Variants in RBFOX1 observed in about 807,000 individuals in gnomAD.
RBFOX1 encodes RNA binding fox-1 homolog 1, also known as RNA binding protein fox-1 homolog 1.
In RBFOX1, 8 loss-of-function variants were observed where a neutral mutation model predicts 57.7. That is an observed-to-expected ratio of 0.14 (90% CI 0.08 to 0.25). RBFOX1 has a LOEUF of 0.25. RBFOX1 is among the 10% of genes least tolerant of loss of function. RBFOX1 has a pLI of 1.00. For synonymous variants in RBFOX1, 326 were observed against 222.4 expected, an observed-to-expected ratio of 1.47 and a Z score of -4.15; for missense variants, 611 against 548.5, an observed-to-expected ratio of 1.11 and a Z score of -1.14.
At chr16:7,430,992 A>G (rs1045686494) in intron 4 of RBFOX1, among the ~76,000 whole-genome samples, 2 of 152,158 alleles carry the variant, frequency 1.3e-5, no homozygotes, top group South Asian at 2.1e-4. Context: ...TCTATGTTGT[A>G]TGGTAGTTTT....
intron 3 of RBFOX1, among the ~76,000 whole-genome samples, chr16:5,837,188 TCTC>T (rs1034442712): frequency 6.6e-5 from 10 of 150,646 alleles, no homozygotes; most frequent in African/African-American, 2.4e-4. Flanking sequence ...TCCCACCTCC[TCTC>T]CTCCTCCCAC....
At chr16:6,694,714 C>A (rs1396556355) in intron 3 of RBFOX1, among the ~76,000 whole-genome samples, 1 of 152,128 alleles carries the variant, frequency 6.6e-6, no homozygotes, top group Non-Finnish European at 1.5e-5. Flanking sequence ...TCATATCCTC[C>A]CAGCAACTCC....
chr16:5,294,250 C>T (rs2063607273), intron 1 of RBFOX1, among the ~76,000 whole-genome samples: 1 of 152,042 alleles, frequency 6.6e-6, no homozygotes, highest in South Asian at 2.1e-4. Context: ...ACAAGAAACA[C>T]ACACACAAAG....
At chr16:6,682,079 G>C (rs1053796938) in intron 3 of RBFOX1, among the ~76,000 whole-genome samples, 1 of 152,150 alleles carries the variant, frequency 6.6e-6, no homozygotes, top group Non-Finnish European at 1.5e-5. Context: ...TTGCCCAATA[G>C]AACAAAATGT....
Position 5,506,367 on chromosome 16 carries a change from T to C in RBFOX1, c.258+39113T>C, listed in dbSNP as rs560933582. ...TCGTCCTCTGTCCTTTCTCTCCCTCTCTGTCCTTCTCTGACTCCGTGGACT... is the reference window on the plus strand; with the variant it reads ...TCGTCCTCTGTCCTTTCTCTCCCTCCCTGTCCTTCTCTGACTCCGTGGACT... On this transcript the variant is annotated intron_variant, in intron 2 of 2. Coordinates refer to the RBFOX1 transcript ENST00000585867. 2.0e-5 allele frequency among the ~76,000 whole-genome samples: 3 copies of C among 152,310 alleles called. No individual in the cohort carries two copies. The South Asian group carries it at 6.2e-4, about 32-fold the overall frequency.
chr16:6,407,569 C>CAGAGAGAGAGAGAG (rs71145224), intron 2 of RBFOX1, among the ~76,000 whole-genome samples: 2 of 25,914 alleles, frequency 7.7e-5, no homozygotes, highest in South Asian at 1.1e-3. Flanking sequence ...GTGTGTGTGA[C>CAGAGAGAGAGAGAG]AGAGAGAGAG....
intron 4 of RBFOX1, among the ~76,000 whole-genome samples, chr16:5,982,117 CCTGTCAGCTT>C (rs771968464): frequency 2.0e-5 from 3 of 152,144 alleles, no homozygotes; most frequent in Non-Finnish European, 4.4e-5. Flanking sequence ...CTTATAATGG[CCTGTCAGCTT>C]CTGTGGCATG....
At position 6,551,071 on chromosome 16, in the gene RBFOX1, C is replaced by A. The variant is rs571171208; in HGVS notation, c.-63-103532C>A. On this transcript the variant is annotated intron_variant, in intron 2 of 15. Coordinates refer to ENST00000550418, the MANE Select transcript of RBFOX1 (RefSeq NM_018723.4). Reference sequence around the variant, plus strand: ...TTGGGGGCCCCAGGAATTTTGCCTCCTGGACCCATTTTATGTGATAATGGC... The same window carrying A: ...TTGGGGGCCCCAGGAATTTTGCCTCATGGACCCATTTTATGTGATAATGGC... Among the ~76,000 whole-genome samples, 6 of 152,280 alleles carry A rather than the reference C, an allele frequency of 3.9e-5. No homozygotes were observed. In the South Asian group the frequency reaches 1.0e-3, roughly 26 times the overall value.
chr16:7,044,483 C>A lies in RBFOX1; in HGVS notation c.-15-7574C>A, dbSNP rs80240336. 2.2e-3 allele frequency among the ~76,000 whole-genome samples: 339 copies of A among 152,268 alleles called. 3 individuals are homozygous for A. The highest frequency in any genetic ancestry group is 7.7e-3 in the African/African-American group (320 of 41,562). ...GATAGGAGACGGGGAAGATGAATCC[C>A]TGCTATTAAACATCTCGTTCAACCG... On this transcript the variant is annotated intron_variant, in intron 3 of 15. Coordinates refer to ENST00000550418, the MANE Select transcript of RBFOX1 (RefSeq NM_018723.4).
In RBFOX1 at chr16:6,852,192, A is replaced by T. The variant is rs537123467; in HGVS notation, c.-16+197542A>T. 1.1e-4 allele frequency among the ~76,000 whole-genome samples: 16 copies of T among 152,258 alleles called. No individual in the cohort carries two copies. The South Asian group carries it at 2.5e-3, about 24-fold the overall frequency. On this transcript the variant is annotated intron_variant, in intron 3 of 15. Transcript: ENST00000550418. ...ACTGGCCTGCAACCAAGGTTTTGAT[A>T]GGGCTCTGCTTTCTCTGGAGTCTAT...
At chr16:6,949,935 G>GTT (rs113719263) in intron 3 of RBFOX1, among the ~76,000 whole-genome samples, 3,402 of 145,534 alleles carry the variant, frequency 0.023, 134 homozygotes, top group African/African-American at 0.079. Flanking sequence ...CCCTGAGTAC[G>GTT]TTTTTTTGTT....
At chr16:7,302,428 C>T (rs911498034) in intron 4 of RBFOX1, among the ~76,000 whole-genome samples, 2 of 151,992 alleles carry the variant, frequency 1.3e-5, no homozygotes, top group African/African-American at 2.4e-5. Context: ...CGGGGTGAGC[C>T]CTGAGGAGGA....
intron 3 of RBFOX1, among the ~76,000 whole-genome samples, chr16:6,744,216 A>G (rs1034602077): frequency 2.0e-5 from 3 of 152,150 alleles, no homozygotes; most frequent in African/African-American, 7.2e-5. Context: ...TTTAAAATAC[A>G]TGAAACAAAA....
intron 4 of RBFOX1, among the ~76,000 whole-genome samples, chr16:7,269,901 T>A (rs182437397): frequency 2.6e-5 from 4 of 152,248 alleles, no homozygotes; most frequent in Non-Finnish European, 5.9e-5. Context: ...TACCGTTTAA[T>A]CTAGTCATTA....
chr16:7,637,353 C>A (rs998374683), intron 11 of RBFOX1, among the ~76,000 whole-genome samples: 3 of 151,734 alleles, frequency 2.0e-5, no homozygotes, highest in Non-Finnish European at 4.4e-5. Flanking sequence ...AAAATCAATT[C>A]CTCATTTATT....
At chr16:6,979,508 T>G (rs1402172581) in intron 3 of RBFOX1, among the ~76,000 whole-genome samples, 3 of 152,202 alleles carry the variant, frequency 2.0e-5, no homozygotes, top group Admixed American at 2.0e-4. Context: ...GGCTGTATGT[T>G]GTAGTTAATT....
At chr16:7,325,107 T>C (rs1029156735) in intron 4 of RBFOX1, among the ~76,000 whole-genome samples, 2 of 152,168 alleles carry the variant, frequency 1.3e-5, no homozygotes, top group Non-Finnish European at 2.9e-5. Context: ...AGTTTTGATA[T>C]CCCTGGCTTG....
intron 1 of RBFOX1, among the ~76,000 whole-genome samples, chr16:5,267,312 T>A (rs943903897): frequency 2.0e-5 from 3 of 151,104 alleles, no homozygotes; most frequent in Non-Finnish European, 2.9e-5. Flanking sequence ...TTTTTCTTTT[T>A]CTTTTGAGAC....
intron 4 of RBFOX1, among the ~76,000 whole-genome samples, chr16:7,408,174 C>G (rs933309918): frequency 1.3e-5 from 2 of 152,134 alleles, no homozygotes; most frequent in Admixed American, 1.3e-4. Context: ...TTGTGACAAC[C>G]TCCTATTGAA....
Sources: gnomAD v4.1 joint callset for allele counts (sites outside exome capture counted in the v4.1 genomes callset) on GRCh38, gnomAD v4.1.1 for gene constraint, MANE v1.5 for transcripts, NCBI Gene and HGNC (gene_info 2026-07-23, HGNC 2026-07-21) for gene names.